Variants in DLGAP2 observed in about 807,000 individuals in gnomAD.
DLGAP2 encodes the protein DLG associated protein 2.
In DLGAP2, 26 loss-of-function variants were observed where a neutral mutation model predicts 100.3. That is an observed-to-expected ratio of 0.26 (90% CI 0.19 to 0.36). DLGAP2 has a LOEUF of 0.36. Among genes scored for constraint, DLGAP2 ranks in the 10% least tolerant of loss-of-function variants. The pLI is 1.00. For missense variants in DLGAP2, 1,858 were observed against 1,453.2 expected (o/e 1.28, Z -4.53); for synonymous variants, 886 against 630.1 (o/e 1.41, Z -6.08).
intron 3 of DLGAP2, among the ~76,000 whole-genome samples, chr8:1,267,533 T>G (rs536004383): frequency 1.0e-4 from 15 of 146,780 alleles, no homozygotes; most frequent in African/African-American, 3.9e-4. Flanking sequence ...CACTCCAGCC[T>G]GGGAGACAGA....
intron 2 of DLGAP2, among the ~76,000 whole-genome samples, chr8:1,150,521 A>G (rs2129051474): frequency 6.6e-6 from 1 of 152,276 alleles, no homozygotes; most frequent in East Asian, 1.9e-4. Flanking sequence ...TTTGTCTTTT[A>G]TACTTAAAAT....
intron 1 of DLGAP2, among the ~76,000 whole-genome samples, chr8:800,754 ATG>A (rs947216389): frequency 1.3e-5 from 2 of 152,034 alleles, no homozygotes; most frequent in Non-Finnish European, 2.9e-5. Flanking sequence ...GCATGTGTGC[ATG>A]TGTGTGTCTG....
intron 6 of DLGAP2, among the ~76,000 whole-genome samples, chr8:1,616,685 G>T (rs1204573066): frequency 6.6e-6 from 1 of 152,170 alleles, no homozygotes; most frequent in Non-Finnish European, 1.5e-5. Context: ...TTTTCAAACA[G>T]AAGCTAAGGA....
chr8:745,195 A>C (rs1470530294), intron 1 of DLGAP2, among the ~76,000 whole-genome samples: 1 of 152,204 alleles, frequency 6.6e-6, no homozygotes, highest in African/African-American at 2.4e-5. Flanking sequence ...TTTAAAAATA[A>C]TTTCCATTTT....
intron 2 of DLGAP2, among the ~76,000 whole-genome samples, chr8:1,111,607 C>G (rs1422107223): frequency 6.6e-6 from 1 of 152,230 alleles, no homozygotes; most frequent in African/African-American, 2.4e-5. Flanking sequence ...CTCTGTGTGT[C>G]CATGTGTTCT....
rs544007271 is a variant in DLGAP2, at chr8:1,677,873, C to G, written c.2289-341C>G. ...TAAAAGAAGCAACCCATGGCTTTGGCTGCATAAGCTCGTAGCATATTTCTG... is the reference window on the plus strand; with the variant it reads ...TAAAAGAAGCAACCCATGGCTTTGGGTGCATAAGCTCGTAGCATATTTCTG... On this transcript the variant is annotated intron_variant, in intron 11 of 14. Transcript: ENST00000637795. 5.9e-5 allele frequency among the ~76,000 whole-genome samples: 9 copies of G among 152,294 alleles called. No individual in the cohort carries two copies. In the South Asian group the frequency reaches 8.3e-4, roughly 14 times the overall value.
At chr8:1,549,803 C>T (rs1434693315) in intron 5 of DLGAP2, 120 bp downstream of exon 5, 55 of 1,103,326 alleles carry the variant, frequency 5.0e-5, no homozygotes, top group Admixed American at 2.0e-4. Flanking sequence ...ACAGGATGTT[C>T]TGAGCTACGG....
chr8:1,378,361 CCTG>C (rs995759172), intron 3 of DLGAP2, among the ~76,000 whole-genome samples: 3 of 151,930 alleles, frequency 2.0e-5, no homozygotes, highest in Admixed American at 2.0e-4. Context: ...ACCTGTCTGT[CCTG>C]CACACACCTG....
At chr8:995,511 T>C (rs951198227) in intron 2 of DLGAP2, among the ~76,000 whole-genome samples, 1 of 152,242 alleles carries the variant, frequency 6.6e-6, no homozygotes, top group African/African-American at 2.4e-5. Flanking sequence ...GATTTTAGTA[T>C]TTCCATTACA....
intron 1 of DLGAP2, among the ~76,000 whole-genome samples, chr8:858,280 C>T (rs556432472): frequency 1.3e-5 from 2 of 152,360 alleles, no homozygotes; most frequent in African/African-American, 4.8e-5. Context: ...TGTGAAAGGA[C>T]GTGGAGCAAC....
chr8:937,006 G>A (rs1799087137), intron 2 of DLGAP2, among the ~76,000 whole-genome samples: 2 of 152,184 alleles, frequency 1.3e-5, no homozygotes, highest in African/African-American at 4.8e-5. Context: ...CCTCAGAGCT[G>A]GTGGCGGGAC....
chr8:1,549,241 C>G lies in DLGAP2; in HGVS notation c.788C>G (p.Ala263Gly). 1 of 1,606,920 alleles carries G rather than the reference C, an allele frequency of 6.2e-7. No individual in the cohort carries two copies. The highest frequency in any genetic ancestry group is 8.5e-7 in the Non-Finnish European group (1 of 1,177,622). The change falls in exon 5 of 15, where the codon GCG becomes GGG. Residue 263 changes from alanine to glycine, a missense_variant. Ala to Gly is a moderately conservative substitution (Grantham distance 60). Transcript: ENST00000637795. The stretch of plus-strand genomic sequence containing the variant: ...AACGGCACCAAGGCGGACGGCCGGG[C>G]GGACGACCACCACCACGCCCACCAC... Reference protein sequence around the residue: ...NANGTKADGRADDHHHAHHAK... With the variant: ...NANGTKADGRGDDHHHAHHAK...
intron 1 of DLGAP2, among the ~76,000 whole-genome samples, chr8:861,769 C>G (rs1184255782): frequency 3.3e-5 from 5 of 152,146 alleles, no homozygotes; most frequent in Non-Finnish European, 5.9e-5. Flanking sequence ...GCAGCTTGTC[C>G]CATTTTGCAG....
At chr8:1,578,414 T>G (rs1251093763) in intron 6 of DLGAP2, among the ~76,000 whole-genome samples, 1 of 152,208 alleles carries the variant, frequency 6.6e-6, no homozygotes, top group African/African-American at 2.4e-5. Flanking sequence ...GCACCTGCGT[T>G]GACTGTGCCG....
In DLGAP2 at chr8:1,376,848, G is replaced by A. The variant is rs547346342; in HGVS notation, c.106+117965G>A. Among the ~76,000 whole-genome samples, 17 of 152,174 alleles carry A rather than the reference G, an allele frequency of 1.1e-4. 1 individual carries two copies. Among genetic ancestry groups the A allele is most frequent in the South Asian group, 6.2e-4 (3 of 4,824 alleles). ...CTTGCTACTGCAAGCGTATTTGGCC[G>A]TGAAAGCGAAATGTGCACGGGTAGG... On this transcript the variant is annotated intron_variant, in intron 3 of 14. Transcript: ENST00000637795.
At chr8:1,315,617 C>T (rs35131956) in intron 3 of DLGAP2, among the ~76,000 whole-genome samples, 23 of 128,832 alleles carry the variant, frequency 1.8e-4, no homozygotes, top group Middle Eastern at 9.7e-3. Flanking sequence ...TCGAGAAACT[C>T]GGCAGCTTTT....
At chr8:1,358,244 G>C (rs953029865) in intron 3 of DLGAP2, among the ~76,000 whole-genome samples, 1 of 152,224 alleles carries the variant, frequency 6.6e-6, no homozygotes, top group Non-Finnish European at 1.5e-5. Context: ...TGAGTGGAAT[G>C]AGGTGAGAAT....
intron 1 of DLGAP2, among the ~76,000 whole-genome samples, chr8:756,645 C>T (rs762189942): frequency 6.6e-6 from 1 of 152,048 alleles, no homozygotes; most frequent in Non-Finnish European, 1.5e-5. Flanking sequence ...GCTGAAAGAT[C>T]GTCTGGTCAG....
chr8:1,208,284 T>A (rs1274745840), intron 2 of DLGAP2, among the ~76,000 whole-genome samples: 2 of 152,224 alleles, frequency 1.3e-5, no homozygotes, highest in Non-Finnish European at 2.9e-5. Flanking sequence ...TATATGTGGC[T>A]TGCCGATTAT....
Sources: allele counts gnomAD v4.1 joint callset (sites outside exome capture counted in the v4.1 genomes callset), GRCh38; gene constraint gnomAD v4.1.1; transcripts MANE v1.5; gene names NCBI Gene and HGNC (gene_info 2026-07-23, HGNC 2026-07-21).